Variants in PTPRD observed in about 807,000 individuals in gnomAD.
PTPRD encodes receptor-type tyrosine-protein phosphatase delta.
A neutral mutation model predicts 214.5 loss-of-function variants in PTPRD; 34 were observed. That is an observed-to-expected ratio of 0.16 (90% CI 0.12 to 0.21). PTPRD has a LOEUF of 0.21. Ranked by LOEUF, PTPRD falls within the 10% of genes least tolerant of loss-of-function variation. PTPRD has a pLI of 1.00. For missense variants in PTPRD, 2,545 were observed against 2,398.7 expected (o/e 1.06, Z -1.27); for synonymous variants, 1,128 against 845.7 (o/e 1.33, Z -5.79).
At chr9:10,523,319 G>C (rs1336421020) in intron 2 of PTPRD, among the ~76,000 whole-genome samples, 7 of 151,650 alleles carry the variant, frequency 4.6e-5, no homozygotes, top group Non-Finnish European at 1.0e-4. Flanking sequence ...TGCCTGCCTG[G>C]ATTCTCTAGA....
In PTPRD at chr9:10,125,523, C is replaced by T. The variant is rs143372813; in HGVS notation, c.-544-91733G>A. On this transcript the variant is annotated intron_variant, in intron 3 of 45. Transcript: ENST00000381196. ...AGGTTGTAGTGCAGTGGCGCAATCT[C>T]GGCTCACTGCAAGCTCTGCCTCCCA... 5.0e-4 allele frequency among the ~76,000 whole-genome samples: 75 copies of T among 149,902 alleles called. 1 individual carries two copies. The highest frequency in any genetic ancestry group is 1.3e-3 in the African/African-American group (52 of 40,940).
At chr9:8,539,222 G>A (rs1373986912) in intron 14 of PTPRD, among the ~76,000 whole-genome samples, 1 of 151,900 alleles carries the variant, frequency 6.6e-6, no homozygotes, top group Non-Finnish European at 1.5e-5. Context: ...TCTTTACATA[G>A]TATCAAAGGG....
intron 12 of PTPRD, among the ~76,000 whole-genome samples, chr9:8,718,476 T>C (rs1036916520): frequency 3.3e-5 from 5 of 152,196 alleles, no homozygotes; most frequent in African/African-American, 1.2e-4. Context: ...GTTTGGATTA[T>C]TTCAGAAATA....
intron 3 of PTPRD, among the ~76,000 whole-genome samples, chr9:10,313,668 G>A (rs1280153591): frequency 6.6e-6 from 1 of 151,924 alleles, no homozygotes; most frequent in Non-Finnish European, 1.5e-5. Flanking sequence ...TAGCCATTAA[G>A]TCTACTGCCA....
chr9:9,185,457 C>G (rs2099930785), intron 9 of PTPRD, among the ~76,000 whole-genome samples: 1 of 152,068 alleles, frequency 6.6e-6, no homozygotes, highest in Non-Finnish European at 1.5e-5. Flanking sequence ...CCATCTGTCT[C>G]TCTTTACTAT....
rs1204402487 is a variant in PTPRD, at chr9:8,518,387, G to C, written c.1004C>G (p.Thr335Arg). ...CCACGTCAGTGTGATGCTTGTAGCTGTGCTCTCGGTCACTACAGGAGTTCC... is the reference window on the plus strand; with the variant it reads ...CCACGTCAGTGTGATGCTTGTAGCTCTGCTCTCGGTCACTACAGGAGTTCC... ...PPGTPVVTES[T>R]ATSITLTWDS... Residue 335 changes from threonine (T) to arginine (R), a missense_variant, in exon 21 of 46, where the codon ACA becomes AGA. Thr to Arg is a moderately conservative substitution (Grantham distance 71). Transcript: ENST00000381196. 6.2e-7 allele frequency: 1 copy of C among 1,613,526 alleles called. No homozygotes were observed. The highest frequency in any genetic ancestry group is 1.3e-5 in the African/African-American group (1 of 74,860).
chr9:10,473,429 A>T (rs978524252), intron 2 of PTPRD, among the ~76,000 whole-genome samples: 8 of 152,136 alleles, frequency 5.3e-5, no homozygotes, highest in Non-Finnish European at 1.0e-4. Context: ...ATTAATTGAC[A>T]ATAGTGAACT....
chr9:9,836,211 T>G (rs978309276), intron 5 of PTPRD, among the ~76,000 whole-genome samples: 1 of 152,152 alleles, frequency 6.6e-6, no homozygotes, highest in Non-Finnish European at 1.5e-5. Flanking sequence ...AAGGACATCC[T>G]AGAGTAGCCC....
At chr9:8,907,780 G>T (rs921050869) in intron 11 of PTPRD, among the ~76,000 whole-genome samples, 1 of 151,870 alleles carries the variant, frequency 6.6e-6, no homozygotes, top group Non-Finnish European at 1.5e-5. Flanking sequence ...ATAAAAGATT[G>T]AAGAGAAATG....
At chr9:9,490,378 C>G (rs1249361440) in intron 8 of PTPRD, among the ~76,000 whole-genome samples, 1 of 152,004 alleles carries the variant, frequency 6.6e-6, no homozygotes, top group African/African-American at 2.4e-5. Flanking sequence ...ATTGTAATGA[C>G]AGTTTTTAAT....
intron 35 of PTPRD, among the ~76,000 whole-genome samples, chr9:8,409,436 C>G (rs1294619974): frequency 6.6e-6 from 1 of 152,230 alleles, no homozygotes; most frequent in African/African-American, 2.4e-5. Context: ...AAACACAACG[C>G]ACAGAAGGTT....
At chr9:8,886,325 C>G (rs1433091262) in intron 11 of PTPRD, among the ~76,000 whole-genome samples, 2 of 152,052 alleles carry the variant, frequency 1.3e-5, no homozygotes, top group Middle Eastern at 3.2e-3. Context: ...AAAGGGAACC[C>G]TTTCATAATG....
chr9:10,477,543 T>C (rs1019449947), intron 2 of PTPRD, among the ~76,000 whole-genome samples: 1 of 152,044 alleles, frequency 6.6e-6, no homozygotes, highest in Non-Finnish European at 1.5e-5. Flanking sequence ...GGAGAGTAAA[T>C]TAGTTCGACC....
chr9:9,687,855 T>C (rs149379878), intron 7 of PTPRD, among the ~76,000 whole-genome samples: 2 of 151,952 alleles, frequency 1.3e-5, no homozygotes, highest in African/African-American at 4.8e-5. Flanking sequence ...GTGTGTGATA[T>C]TGTTTGGCTC....
rs147425087 is a variant in PTPRD, at chr9:9,342,429, G to A, written c.-203+55020C>T. On this transcript the variant is annotated intron_variant, in intron 9 of 45. Transcript: ENST00000381196. ...GAAAAGTAGAGAAAAAATACTAACA[G>A]GAGTAATGTTAGTAAATAAAATGTA... Among the ~76,000 whole-genome samples the A allele has an allele frequency of 4.4e-3, 670 of 152,236 alleles. 5 individuals are homozygous for A. The highest frequency in any genetic ancestry group is 0.015 in the African/African-American group (613 of 41,540).
intron 3 of PTPRD, among the ~76,000 whole-genome samples, chr9:10,289,216 G>T (rs2095457684): frequency 6.6e-6 from 1 of 152,052 alleles, no homozygotes; most frequent in Admixed American, 6.6e-5. Context: ...CTTATTTATG[G>T]ACTTATTCAT....
chr9:8,911,318 A>G (rs2098745575), intron 11 of PTPRD, among the ~76,000 whole-genome samples: 1 of 152,110 alleles, frequency 6.6e-6, no homozygotes, highest in Non-Finnish European at 1.5e-5. Flanking sequence ...ATTTTTGACA[A>G]AAGTGCCAAG....
intron 8 of PTPRD, among the ~76,000 whole-genome samples, chr9:9,478,602 T>C (rs4742602): frequency 0.56 from 84,406 of 152,014 alleles, 23,526 homozygotes; most frequent in East Asian, 0.69. Context: ...TATTTCCTAC[T>C]GTCCTGCATC....
intron 9 of PTPRD, among the ~76,000 whole-genome samples, chr9:9,240,345 A>C (rs1445466935): frequency 6.6e-6 from 1 of 152,174 alleles, no homozygotes; most frequent in Admixed American, 6.6e-5. Context: ...GGTATACAGA[A>C]GGTAAATATA....
Sources: gnomAD v4.1 joint callset for allele counts (sites outside exome capture counted in the v4.1 genomes callset) on GRCh38, gnomAD v4.1.1 for gene constraint, MANE v1.5 for transcripts, NCBI Gene and HGNC (gene_info 2026-07-23, HGNC 2026-07-21) for gene names.